Variants in POLA1 observed in about 807,000 individuals in gnomAD.
The protein encoded by POLA1 is DNA polymerase alpha 1, catalytic subunit, also known as DNA polymerase alpha catalytic subunit.
Under a neutral mutation model 124.0 loss-of-function variants are expected in POLA1, and 15 were observed. The ratio of observed to expected loss-of-function variants is 0.12; its 90% CI spans 0.08 to 0.19. POLA1 has a LOEUF of 0.19. POLA1 is among the 10% of genes least tolerant of loss of function. The probability of loss-of-function intolerance (pLI) is 1.00; values close to 1 mark genes in which losing one functional copy is unlikely to be tolerated. For synonymous variants in POLA1, 408 were observed against 389.4 expected (o/e 1.05, Z -0.56); for missense variants, 886 against 1,103.4 (o/e 0.80, Z 2.79).
intron 26 of POLA1, among the ~76,000 whole-genome samples, chrX:24,808,871 A>G (rs1484310107): frequency 9.0e-6 from 1 of 111,714 alleles, no homozygotes; most frequent in African/African-American, 3.3e-5. Flanking sequence ...AATGAAGTAA[A>G]TCTTTATTTG....
At position 24,843,581 on chromosome X, in the gene POLA1, T is replaced by C. The variant is rs751288710; in HGVS notation, c.3951T>C (p.Ser1317=). The C allele has an allele frequency of 2.5e-6, 3 of 1,189,748 alleles. No homozygotes were observed. Among genetic ancestry groups the C allele is most frequent in the Non-Finnish European group, 3.4e-6 (3 of 877,929 alleles). Residue 1317 remains serine, a synonymous_variant, in exon 34 of 37, where the codon AGT becomes AGC. Transcript: ENST00000379068. ...TDMEPSLYRC[S]NIDCKASPLT... The stretch of plus-strand genomic sequence containing the variant: ...TGGAGCCCAGCTTGTATCGTTGCAG[T>C]AACATCGATTGTAAGGCTTCACCTC...
chrX:24,773,931 G>C (rs1316481833), intron 26 of POLA1, among the ~76,000 whole-genome samples: 1 of 112,005 alleles, frequency 8.9e-6, no homozygotes, highest in African/African-American at 3.2e-5. Flanking sequence ...TTAGTGATAA[G>C]ATACTTTCTA....
chrX:24,807,514 G>A (rs1407843844), intron 26 of POLA1, among the ~76,000 whole-genome samples: 2 of 112,020 alleles, frequency 1.8e-5, no homozygotes, highest in African/African-American at 6.5e-5. Context: ...ATGAAGTTGG[G>A]GAGAGTGACT....
intron 36 of POLA1, among the ~76,000 whole-genome samples, chrX:24,968,272 G>A (rs1286713770): frequency 8.9e-6 from 1 of 111,818 alleles, no homozygotes; most frequent in Non-Finnish European, 1.9e-5. Context: ...TAACCATCAT[G>A]TTGAGGTAAC....
chrX:24,927,249 A>G (rs1180226151), intron 35 of POLA1, among the ~76,000 whole-genome samples: 1 of 111,346 alleles, frequency 9.0e-6, no homozygotes, highest in Non-Finnish European at 1.9e-5. Context: ...ATATTGATAA[A>G]TGGATTCAGG....
At chrX:24,963,135 G>T (rs2048186350) in intron 36 of POLA1, among the ~76,000 whole-genome samples, 2 of 111,647 alleles carry the variant, frequency 1.8e-5, no homozygotes, top group South Asian at 7.5e-4. Flanking sequence ...ACATAGAAAG[G>T]CCTGATTAAT....
In POLA1 at chrX:24,741,417, A is replaced by G; in HGVS notation, c.2259A>G (p.Lys753=). ...QLLYLLEHTW[K]DAKFILQIMC... is the part of the protein sequence containing the mutation. ...TATACCTGTTGGAACACACCTGGAA[A>G]GATGCCAAGTTCATTTTGCAGATCA... Residue 753 remains lysine (K), a synonymous_variant, in exon 21 of 37, where the codon AAA becomes AAG. Transcript: ENST00000379068. 1.7e-6 allele frequency: 2 copies of G among 1,195,056 alleles called. No homozygotes were observed. The highest frequency in any genetic ancestry group is 2.3e-6 in the Non-Finnish European group (2 of 880,379).
At chrX:24,729,604 T>C (rs189958146) in intron 15 of POLA1, among the ~76,000 whole-genome samples, 2 of 112,123 alleles carry the variant, frequency 1.8e-5, no homozygotes, top group African/African-American at 3.2e-5. Context: ...CTTCCTTCTC[T>C]TTAATTGCCA....
intron 36 of POLA1, among the ~76,000 whole-genome samples, chrX:24,970,500 A>G (rs1168948621): frequency 1.8e-5 from 2 of 112,099 alleles, no homozygotes; most frequent in Admixed American, 1.9e-4. Context: ...AAAAGAAACT[A>G]TCATCAGAGT....
intron 36 of POLA1, among the ~76,000 whole-genome samples, chrX:24,945,049 C>T (rs1347773030): frequency 1.8e-5 from 2 of 111,589 alleles, no homozygotes; most frequent in East Asian, 2.8e-4. Context: ...GACTTTCCAC[C>T]CCTTACTAGA....
intron 19 of POLA1, among the ~76,000 whole-genome samples, chrX:24,738,798 A>T (rs938075996): frequency 8.9e-6 from 1 of 112,150 alleles, no homozygotes; most frequent in Non-Finnish European, 1.9e-5. Flanking sequence ...TAAAATGGAC[A>T]TGTTGCCTCA....
chrX:24,976,772 C>T (rs974579133), intron 36 of POLA1, among the ~76,000 whole-genome samples: 2 of 112,265 alleles, frequency 1.8e-5, no homozygotes, highest in African/African-American at 6.5e-5. Context: ...ATTTCCCAGT[C>T]TTCAAACACA....
chrX:24,897,312 G>A (rs2047218459), intron 35 of POLA1, among the ~76,000 whole-genome samples: 1 of 109,931 alleles, frequency 9.1e-6, no homozygotes, highest in Non-Finnish European at 1.9e-5. Context: ...GTGGGGGGCT[G>A]TTCTGGACAG....
intron 26 of POLA1, among the ~76,000 whole-genome samples, chrX:24,784,882 C>T (rs1350408667): frequency 1.8e-5 from 2 of 110,958 alleles, no homozygotes; most frequent in African/African-American, 6.6e-5. Context: ...CACTGTTCTG[C>T]ACTAAACAGA....
intron 35 of POLA1, among the ~76,000 whole-genome samples, chrX:24,906,100 G>T (rs187489130): frequency 2.7e-5 from 3 of 111,912 alleles, no homozygotes; most frequent in Non-Finnish European, 5.6e-5. Context: ...ACAGTATGGA[G>T]ATTCCTTAAA....
At chrX:24,846,472 G>T (rs1160743745) in intron 34 of POLA1, among the ~76,000 whole-genome samples, 1 of 111,767 alleles carries the variant, frequency 8.9e-6, no homozygotes, top group Non-Finnish European at 1.9e-5. Context: ...TCATGCCCTG[G>T]TCCTTGTTGG....
intron 36 of POLA1, among the ~76,000 whole-genome samples, chrX:24,934,839 C>T (rs1322573998): frequency 2.7e-5 from 3 of 112,089 alleles, no homozygotes; most frequent in Non-Finnish European, 5.6e-5. Flanking sequence ...TTTCCTGCCT[C>T]AGCCTCCTGA....
chrX:24,818,893 G>A (rs1200089046), intron 30 of POLA1, among the ~76,000 whole-genome samples: 1 of 111,991 alleles, frequency 8.9e-6, no homozygotes, highest in Non-Finnish European at 1.9e-5. Flanking sequence ...ATGTGGTTTG[G>A]GATGGAGTAT....
intron 36 of POLA1, among the ~76,000 whole-genome samples, chrX:24,986,609 T>C (rs899158908): frequency 9.2e-6 from 1 of 108,545 alleles, no homozygotes; most frequent in Non-Finnish European, 1.9e-5. Context: ...TAGCCAGGTA[T>C]GGTAGTACAT....
Sources: gnomAD v4.1 joint callset for allele counts (sites outside exome capture counted in the v4.1 genomes callset) on GRCh38, gnomAD v4.1.1 for gene constraint, MANE v1.5 for transcripts, NCBI Gene and HGNC (gene_info 2026-07-23, HGNC 2026-07-21) for gene names.